CADPS: variants seen among roughly 807,000 people sequenced by gnomAD.
CADPS encodes calcium-dependent secretion activator 1.
CADPS carries 57 observed loss-of-function variants against 167.3 expected under a neutral mutation model. The ratio of observed to expected loss-of-function variants is 0.34; its 90% CI spans 0.28 to 0.42. The LOEUF is 0.42. Ranked by LOEUF, CADPS falls within the 20% of genes least tolerant of loss-of-function variation. CADPS has a pLI of 1.00. For synonymous variants in CADPS, 676 were observed against 635.3 expected (o/e 1.06, Z -0.96); for missense variants, 1,414 against 1,738.1 (o/e 0.81, Z 3.32).
intron 17 of CADPS, among the ~76,000 whole-genome samples, chr3:62,509,144 A>C (rs1435349599): frequency 6.6e-6 from 1 of 152,076 alleles, no homozygotes; most frequent in Non-Finnish European, 1.5e-5. Flanking sequence ...CTCTACTAAA[A>C]ATACAAAAAA....
At chr3:62,411,230 C>A (rs2048898191) in intron 28 of CADPS, among the ~76,000 whole-genome samples, 1 of 152,124 alleles carries the variant, frequency 6.6e-6, no homozygotes, top group Admixed American at 6.5e-5. Flanking sequence ...GAACTGAATG[C>A]TGGAGGATTT....
chr3:62,558,076 T>C (rs985287409), intron 9 of CADPS, among the ~76,000 whole-genome samples: 1 of 152,248 alleles, frequency 6.6e-6, no homozygotes, highest in African/African-American at 2.4e-5. Context: ...AAACTACATG[T>C]TTTGTCCCCT....
chr3:62,587,565 G>A (rs534680541), intron 7 of CADPS, among the ~76,000 whole-genome samples: 7 of 152,170 alleles, frequency 4.6e-5, no homozygotes, highest in Non-Finnish European at 7.3e-5. Context: ...CCAGAACCGC[G>A]GTAAGTAAGA....
At chr3:62,840,937 CAGTT>C (rs1413963181) in intron 1 of CADPS, among the ~76,000 whole-genome samples, 3 of 152,128 alleles carry the variant, frequency 2.0e-5, no homozygotes, top group Non-Finnish European at 4.4e-5. Flanking sequence ...ACAATAGAAA[CAGTT>C]AGTTGGAATC....
intron 8 of CADPS, among the ~76,000 whole-genome samples, chr3:62,575,365 G>C (rs988790751): frequency 6.6e-6 from 1 of 152,172 alleles, no homozygotes; most frequent in East Asian, 1.9e-4. Context: ...TAAATCTGGA[G>C]ATATGTTACC....
At chr3:62,852,636 A>C (rs1279040770) in intron 1 of CADPS, among the ~76,000 whole-genome samples, 1 of 151,066 alleles carries the variant, frequency 6.6e-6, no homozygotes, top group Non-Finnish European at 1.5e-5. Context: ...GGTGGTCCCC[A>C]GTTTACTCTG....
rs2054305057 is a variant in CADPS at position 62,433,153 on chromosome 3, A to C, written c.3777+4951T>G. ...TATATGCTCACATGTATGGTGCTTTAGTAATTTAATAAGGTTGTTAAAATA... is the reference window on the plus strand; with the variant it reads ...TATATGCTCACATGTATGGTGCTTTCGTAATTTAATAAGGTTGTTAAAATA... On this transcript the variant is annotated intron_variant, in intron 28 of 29. Transcript: ENST00000383710. This position sits in a 1 kb window ranked among gnomAD's most constrained non-coding sequence, Gnocchi z 4.7. Among the ~76,000 whole-genome samples, 1 of 152,156 alleles carries C rather than the reference A, an allele frequency of 6.6e-6. No individual in the cohort carries two copies. The highest frequency in any genetic ancestry group is 2.1e-4 in the South Asian group (1 of 4,830).
intron 9 of CADPS, among the ~76,000 whole-genome samples, chr3:62,565,196 G>A (rs2079924931): frequency 1.3e-5 from 2 of 152,132 alleles, no homozygotes; most frequent in Non-Finnish European, 2.9e-5. Context: ...CTTGACTCAG[G>A]GTGCTGAAGG....
At chr3:62,789,773 A>T (rs1559630226) in intron 1 of CADPS, among the ~76,000 whole-genome samples, 1 of 152,198 alleles carries the variant, frequency 6.6e-6, no homozygotes, top group Non-Finnish European at 1.5e-5. Context: ...GTGCAGTGAG[A>T]ATGTGAATAA....
At chr3:62,547,142 G>A (rs979806516) in intron 11 of CADPS, among the ~76,000 whole-genome samples, 1 of 152,158 alleles carries the variant, frequency 6.6e-6, no homozygotes, top group African/African-American at 2.4e-5. Flanking sequence ...GCTTAAACTA[G>A]CAATAGATAG....
At chr3:62,558,632 A>G (rs1356540407) in intron 9 of CADPS, among the ~76,000 whole-genome samples, 1 of 152,148 alleles carries the variant, frequency 6.6e-6, no homozygotes, top group African/African-American at 2.4e-5. Flanking sequence ...TAAGAAATTG[A>G]CGCTCTCGAG....
At chr3:62,662,208 C>T in intron 4 of CADPS, 106 bp downstream of exon 4, 1 of 985,490 alleles carries the variant, frequency 1.0e-6, no homozygotes. Flanking sequence ...CATCTTCCCT[C>T]CTCTCTGCTT....
At chr3:62,661,978 G>A (rs538623110) in intron 4 of CADPS, among the ~76,000 whole-genome samples, 1 of 152,320 alleles carries the variant, frequency 6.6e-6, no homozygotes, top group South Asian at 2.1e-4. Context: ...GTGGGAGGAA[G>A]ACAAGGAGCT....
chr3:62,828,756 T>C (rs560550608), intron 1 of CADPS, among the ~76,000 whole-genome samples: 1 of 152,216 alleles, frequency 6.6e-6, no homozygotes, highest in African/African-American at 2.4e-5. Flanking sequence ...CGACTTATTC[T>C]GCTTAGGACT....
At chr3:62,599,831 T>TAATATATATAATATATAATAA (rs1562716692) in intron 6 of CADPS, among the ~76,000 whole-genome samples, 54 of 6,106 alleles carry the variant, frequency 8.8e-3, no homozygotes, top group Non-Finnish European at 0.017. Flanking sequence ...ATATTATATA[T>TAATATATATAATATATAATAA]ATAATATATT....
chr3:62,663,359 G>T (rs529638612), intron 3 of CADPS, among the ~76,000 whole-genome samples: 1 of 152,224 alleles, frequency 6.6e-6, no homozygotes, highest in Admixed American at 6.5e-5. Context: ...TCCATTTTAT[G>T]AGTTGAAACT....
At chr3:62,555,686 C>G (rs187679064) in intron 10 of CADPS, among the ~76,000 whole-genome samples, 1 of 152,076 alleles carries the variant, frequency 6.6e-6, no homozygotes, top group Admixed American at 6.5e-5. Flanking sequence ...GTATTGATTT[C>G]CCTTCTCATA....
chr3:62,654,159 T>TG (rs2070935802), intron 4 of CADPS, among the ~76,000 whole-genome samples: 1 of 152,184 alleles, frequency 6.6e-6, no homozygotes, highest in Non-Finnish European at 1.5e-5. Context: ...ACCGTCAAGA[T>TG]GCGAGGACTT....
At chr3:62,464,399 G>T (rs1576406303) in intron 26 of CADPS, among the ~76,000 whole-genome samples, 1 of 152,246 alleles carries the variant, frequency 6.6e-6, no homozygotes, top group Non-Finnish European at 1.5e-5. Context: ...CACAGGCAGT[G>T]GGTCCTAAAT....
Sources: allele counts gnomAD v4.1 joint callset (sites outside exome capture counted in the v4.1 genomes callset), GRCh38; gene constraint gnomAD v4.1.1; non-coding constraint Gnocchi (gnomAD v3.1); transcripts MANE v1.5; gene names NCBI Gene and HGNC (gene_info 2026-07-23, HGNC 2026-07-21).